The following RGS6 variants were observed in gnomAD, a reference collection of about 807,000 sequenced individuals.
The protein encoded by RGS6 is regulator of G protein signaling 6, also known as regulator of G-protein signaling 6.
Under a neutral mutation model 78.5 loss-of-function variants are expected in RGS6, and 30 were observed. The observed-to-expected ratio is 0.38, with a 90% confidence interval of 0.29 to 0.52. The LOEUF is 0.52. RGS6 is among the 20% of genes least tolerant of loss of function. RGS6 has a pLI of 0.85. For missense variants in RGS6, 495 were observed against 609.7 expected (o/e 0.81, Z 1.98); for synonymous variants, 206 against 206.0 (o/e 1.00, Z 0.00).
intron 1 of RGS6, among the ~76,000 whole-genome samples, chr14:71,945,425 C>CA (rs1314112162): frequency 1.3e-5 from 2 of 152,132 alleles, no homozygotes; most frequent in African/African-American, 4.8e-5. Context: ...GTTGCAAACT[C>CA]AAACACTCAA....
the RGS6 span, among the ~76,000 whole-genome samples, chr14:72,587,439 G>A: frequency 3.8e-4 from 58 of 152,240 alleles, no homozygotes; most frequent in African/African-American, 1.3e-3. Flanking sequence ...GGGTCCAGGG[G>A]GTCGCAGCAG....
At chr14:72,250,870 C>A (rs970143167) in intron 2 of RGS6, among the ~76,000 whole-genome samples, 3 of 152,130 alleles carry the variant, frequency 2.0e-5, no homozygotes, top group African/African-American at 7.2e-5. Flanking sequence ...ATAATTTCCC[C>A]CTCCCCCTCT....
chr14:72,211,481 C>T (rs563811202), intron 2 of RGS6, among the ~76,000 whole-genome samples: 3 of 152,192 alleles, frequency 2.0e-5, no homozygotes, highest in South Asian at 4.1e-4. Context: ...GCTGTAAAGA[C>T]AGTAGTAATA....
chr14:72,566,557 G>T (rs1341749967), downstream of RGS6: 1 of 151,718 alleles, frequency 6.6e-6, no homozygotes, highest in African/African-American at 2.4e-5. Flanking sequence ...TCCTTGGTTT[G>T]GGGGTTCGTT....
At chr14:72,506,908 G>A (rs10150308) in intron 13 of RGS6, among the ~76,000 whole-genome samples, 9,024 of 148,986 alleles carry the variant, frequency 0.061, 944 homozygotes, top group African/African-American at 0.21. Context: ...CAGCACTTTG[G>A]GAGGCCGAGG....
At chr14:72,515,088 C>T (rs982162901) in intron 14 of RGS6, among the ~76,000 whole-genome samples, 1 of 152,206 alleles carries the variant, frequency 6.6e-6, no homozygotes, top group Non-Finnish European at 1.5e-5. Context: ...GCTGTGACAG[C>T]AGTTTTGCTG....
In RGS6 at chr14:72,495,210, C is replaced by T. The variant is rs2096628654; in HGVS notation, c.913C>T (p.Pro305Ser). Residue 305 changes from proline (P) to serine (S), a missense_variant, in exon 13 of 18, where the codon CCA becomes TCA. Physicochemically the swap from Pro to Ser is moderately conservative, Grantham distance 74. Coordinates refer to ENST00000553525, the MANE Select transcript of RGS6 (RefSeq NM_001204424.2). The part of the protein sequence containing the change: ...EYDPLITPAE[P>S]SNPWISDDVA... ...TGACCCTTTGATAACACCAGCTGAG[C>T]CATCCAACCCTTGGATCAGCGATGA... The T allele has an allele frequency of 6.2e-7, 1 of 1,613,588 alleles. No individual in the cohort carries two copies. The highest frequency in any genetic ancestry group is 8.5e-7 in the Non-Finnish European group (1 of 1,179,652).
chr14:72,203,153 G>A (rs1008050894), intron 2 of RGS6, among the ~76,000 whole-genome samples: 33 of 152,220 alleles, frequency 2.2e-4, no homozygotes, highest in African/African-American at 6.7e-4. Context: ...GGGATTATAG[G>A]CGTGAGCCAC....
chr14:72,260,158 G>C (rs2057881497), intron 2 of RGS6, among the ~76,000 whole-genome samples: 1 of 152,124 alleles, frequency 6.6e-6, no homozygotes, highest in Non-Finnish European at 1.5e-5. Flanking sequence ...AAGTTTGATT[G>C]TTAGGCTCTA....
At chr14:72,615,470 C>T in the RGS6 span, among the ~76,000 whole-genome samples, 1 of 152,338 alleles carries the variant, frequency 6.6e-6, no homozygotes, top group Admixed American at 6.5e-5. Flanking sequence ...ATTCAAAGCA[C>T]GAATACAAAA....
chr14:72,580,526 C>T, the RGS6 span, among the ~76,000 whole-genome samples: 14 of 152,150 alleles, frequency 9.2e-5, no homozygotes, highest in Admixed American at 7.9e-4. Flanking sequence ...GAATGCACAG[C>T]TGTTTTCACT....
chr14:72,490,202 A>G (rs1417343005), intron 12 of RGS6, among the ~76,000 whole-genome samples: 1 of 152,152 alleles, frequency 6.6e-6, no homozygotes, highest in Non-Finnish European at 1.5e-5. Flanking sequence ...ATAGTGAATA[A>G]GTCTCATGAG....
chr14:72,488,305 C>A (rs1033003167), intron 12 of RGS6, among the ~76,000 whole-genome samples: 15 of 152,192 alleles, frequency 9.9e-5, no homozygotes, highest in African/African-American at 3.6e-4. Flanking sequence ...CTTGCCTAGA[C>A]CTTTTTTAGA....
intron 2 of RGS6, among the ~76,000 whole-genome samples, chr14:72,080,217 C>A (rs1193506088): frequency 6.6e-6 from 1 of 152,042 alleles, no homozygotes; most frequent in Non-Finnish European, 1.5e-5. Context: ...TTTTTGATAA[C>A]AGCCATTCGA....
At chr14:72,010,976 C>A (rs998338365) in intron 2 of RGS6, among the ~76,000 whole-genome samples, 1 of 152,210 alleles carries the variant, frequency 6.6e-6, no homozygotes, top group African/African-American at 2.4e-5. Flanking sequence ...CTCATTGCAG[C>A]ACTTATTAAT....
the RGS6 span, among the ~76,000 whole-genome samples, chr14:72,589,698 G>A: frequency 1.3e-5 from 2 of 152,122 alleles, no homozygotes; most frequent in Non-Finnish European, 2.9e-5. Context: ...TTTGTGAAAG[G>A]ATATGCATTA....
intron 13 of RGS6, 39 bp from the exon 14 acceptor site, chr14:72,510,115 G>A: frequency 6.5e-7 from 1 of 1,545,882 alleles, no homozygotes; most frequent in South Asian, 1.3e-5. Context: ...CTTTTCTCTG[G>A]TATTGATCTT....
chr14:72,444,681 C>T lies in RGS6; in HGVS notation c.185-9847C>T, dbSNP rs72726135. 4.3e-3 allele frequency among the ~76,000 whole-genome samples: 626 copies of T among 146,086 alleles called. 6 individuals carry two copies. Among genetic ancestry groups the T allele is most frequent in the Middle Eastern group, 7.0e-3 (2 of 286 alleles). ...CCATCCCAGCTACAGCTAAGTCCTTCGCTTTCCTTCTGTGGGTCACCACGG... is the reference window on the plus strand; with the variant it reads ...CCATCCCAGCTACAGCTAAGTCCTTTGCTTTCCTTCTGTGGGTCACCACGG... On this transcript the variant is annotated intron_variant, in intron 3 of 17. Coordinates refer to ENST00000553525, the MANE Select transcript of RGS6 (RefSeq NM_001204424.2).
chr14:72,517,402 G>T (rs1162938023), intron 14 of RGS6, among the ~76,000 whole-genome samples: 1 of 152,186 alleles, frequency 6.6e-6, no homozygotes, highest in Non-Finnish European at 1.5e-5. Context: ...GCTGCCTTGG[G>T]AACCATCCTT....
Sources: gnomAD v4.1 joint callset for allele counts (sites outside exome capture counted in the v4.1 genomes callset) on GRCh38, gnomAD v4.1.1 for gene constraint, MANE v1.5 for transcripts, NCBI Gene and HGNC (gene_info 2026-07-23, HGNC 2026-07-21) for gene names.